The following PPP1R42 variants were observed in gnomAD, a reference collection of about 807,000 sequenced individuals.
PPP1R42 encodes the protein leucine rich repeat containing 67.
In PPP1R42, 34 loss-of-function variants were observed where a neutral mutation model predicts 31.0. The observed-to-expected ratio is 1.10, with a 90% CI of 0.83 to 1.46. The LOEUF is 1.46. PPP1R42 is among the 40% of genes most tolerant of loss of function. The pLI is 0.00. For synonymous variants in PPP1R42, 103 were observed against 109.8 expected (o/e 0.94, Z 0.39); for missense variants, 268 against 303.0 (o/e 0.88, Z 0.86).
chr8:67,023,619 T>G (rs925251215), intron 1 of PPP1R42, among the ~76,000 whole-genome samples: 3 of 152,186 alleles, frequency 2.0e-5, no homozygotes, highest in Non-Finnish European at 4.4e-5. Flanking sequence ...TCAGATTATA[T>G]ATGAGTAACA....
At chr8:67,009,378 G>A (rs1313102624) in intron 5 of PPP1R42, among the ~76,000 whole-genome samples, 1 of 152,046 alleles carries the variant, frequency 6.6e-6, no homozygotes, top group African/African-American at 2.4e-5. Flanking sequence ...GACCAACCTG[G>A]CCAACCTGGT....
intron 5 of PPP1R42, among the ~76,000 whole-genome samples, chr8:67,003,166 CAAAAAA>C (rs529377387): frequency 1.7e-5 from 1 of 57,708 alleles, no homozygotes; most frequent in Non-Finnish European, 3.7e-5. Context: ...AACTCCGTCT[CAAAAAA>C]AAAAAAAAAA....
Position 67,011,220 on chromosome 8 carries a change from A to C in PPP1R42, c.436-389T>G, listed in dbSNP as rs770676112. Among the ~76,000 whole-genome samples, 58 of 152,216 alleles carry C rather than the reference A, an allele frequency of 3.8e-4. 1 individual carries two copies. The highest frequency in any genetic ancestry group is 4.7e-4 in the Non-Finnish European group (32 of 68,038). ...CTTTAGCAAATTATCATTTTGTGCAAAATATTACTAACATTTGTACTTACA... is the reference window on the plus strand; with the variant it reads ...CTTTAGCAAATTATCATTTTGTGCACAATATTACTAACATTTGTACTTACA... On this transcript the variant is annotated intron_variant, in intron 4 of 7. Coordinates refer to ENST00000685739, the MANE Select transcript of PPP1R42 (RefSeq NM_001364910.1).
At chr8:67,000,948 T>C (rs1418731737) in intron 5 of PPP1R42, among the ~76,000 whole-genome samples, 1 of 152,146 alleles carries the variant, frequency 6.6e-6, no homozygotes, top group East Asian at 1.9e-4. Flanking sequence ...CTTTTACTTC[T>C]GTGAATTTTT....
In PPP1R42 at chr8:66,988,096, C is replaced by T. The variant is rs959441774; in HGVS notation, c.670+304G>A. 100 of 1,008,162 alleles carry T rather than the reference C, an allele frequency of 9.9e-5. No homozygotes were observed. The South Asian group carries it at 2.1e-3, about 21-fold the overall frequency. 62.5% of individuals were successfully genotyped at this position (1,008,162 alleles called of 1,614,324 possible). On this transcript the variant is annotated intron_variant, in intron 6 of 7. Coordinates refer to ENST00000685739, the MANE Select transcript of PPP1R42 (RefSeq NM_001364910.1). ...GGGATCATCAAAGGATTTGTGCTAA[C>T]GAAAGTTTGGCAAAAGGTCAGCAAG...
chr8:67,025,757 C>A (rs1239121867), intron 1 of PPP1R42, among the ~76,000 whole-genome samples: 1 of 151,888 alleles, frequency 6.6e-6, no homozygotes, highest in East Asian at 1.9e-4. Context: ...GTAATCCCAG[C>A]ACTTTGGGAG....
At chr8:66,982,011 T>G in intron 7 of PPP1R42, 38 bp downstream of exon 7, 1 of 1,311,186 alleles carries the variant, frequency 7.6e-7, no homozygotes. Context: ...TTTCCTTTGC[T>G]AGAAGAGCAG....
intron 1 of PPP1R42, among the ~76,000 whole-genome samples, chr8:67,022,222 T>C (rs934294423): frequency 8.5e-5 from 13 of 152,354 alleles, no homozygotes; most frequent in African/African-American, 3.1e-4. Context: ...AAATGATATC[T>C]CACTACTGTG....
intron 7 of PPP1R42, among the ~76,000 whole-genome samples, 177 bp from the exon 8 acceptor site, chr8:66,964,511 C>G (rs1488147911): frequency 6.6e-6 from 1 of 152,082 alleles, no homozygotes; most frequent in Non-Finnish European, 1.5e-5. Context: ...AGATTTTCCT[C>G]TTGGTGTAGC....
chr8:67,026,000 G>A (rs1471728196), intron 1 of PPP1R42, among the ~76,000 whole-genome samples: 8 of 139,310 alleles, frequency 5.7e-5, no homozygotes, highest in Non-Finnish European at 9.2e-5. Context: ...GTGAGACTCC[G>A]TCTCAAAAAA....
chr8:66,964,669 A>G (rs1056681861), intron 7 of PPP1R42, among the ~76,000 whole-genome samples: 2 of 152,206 alleles, frequency 1.3e-5, no homozygotes, highest in African/African-American at 4.8e-5. Flanking sequence ...AAATAATCAT[A>G]CATATCAATT....
intron 1 of PPP1R42, among the ~76,000 whole-genome samples, chr8:67,024,325 T>C (rs534102584): frequency 3.3e-5 from 5 of 152,258 alleles, no homozygotes; most frequent in Non-Finnish European, 2.9e-5. Flanking sequence ...TTTGTATGTG[T>C]GTGTGTATGA....
rs749429401 is a variant in PPP1R42, at chr8:67,017,758, T to C, written c.-11A>G. The C allele has an allele frequency of 6.4e-7, 1 of 1,571,558 alleles. No individual in the cohort carries two copies. Among genetic ancestry groups the C allele is most frequent in the Non-Finnish European group, 8.6e-7 (1 of 1,162,436 alleles). On this transcript the variant is annotated 5_prime_UTR_variant, in exon 2 of 8. Coordinates refer to ENST00000685739, the MANE Select transcript of PPP1R42 (RefSeq NM_001364910.1). ...GGTCAGTCGAACCATAATTTCTTTA[T>C]AAATCAAACTCTCAGCAAAAGCTCT...
chr8:67,026,488 C>T (rs942959115), intron 1 of PPP1R42, among the ~76,000 whole-genome samples: 1 of 152,116 alleles, frequency 6.6e-6, no homozygotes, highest in African/African-American at 2.4e-5. Context: ...AAGAATGATA[C>T]TTTCTAGTAT....
At chr8:66,975,296 A>G (rs1814636901) in intron 7 of PPP1R42, among the ~76,000 whole-genome samples, 3 of 152,182 alleles carry the variant, frequency 2.0e-5, no homozygotes, top group African/African-American at 7.2e-5. Flanking sequence ...TGTAAATGGG[A>G]TTATTTTCAT....
At chr8:67,006,167 A>G (rs1815666867) in intron 5 of PPP1R42, among the ~76,000 whole-genome samples, 1 of 152,208 alleles carries the variant, frequency 6.6e-6, no homozygotes, top group African/African-American at 2.4e-5. Flanking sequence ...AGTGCCTGGC[A>G]TGTTCTTTCC....
rs368114130 is a variant in PPP1R42 at position 67,019,875 on chromosome 8, G to C, written c.-84-2044C>G. Among the ~76,000 whole-genome samples, 18 of 150,940 alleles carry C rather than the reference G, an allele frequency of 1.2e-4. No homozygotes were observed. In the East Asian group the frequency reaches 3.2e-3, roughly 27 times the overall value. ...TGCACTCCAGCCTGGGCGACAGAGCGAGACTCCACCTCAACAAAAAAAAAA... is the reference window on the plus strand; with the variant it reads ...TGCACTCCAGCCTGGGCGACAGAGCCAGACTCCACCTCAACAAAAAAAAAA... On this transcript the variant is annotated intron_variant, in intron 1 of 7. Coordinates refer to ENST00000685739, the MANE Select transcript of PPP1R42 (RefSeq NM_001364910.1).
chr8:66,965,263 CA>C (rs35319935), intron 7 of PPP1R42, among the ~76,000 whole-genome samples: 6,913 of 66,630 alleles, frequency 0.1, 277 homozygotes, highest in African/African-American at 0.23. Context: ...GACTCCGTCT[CA>C]AAAAAAAAAA....
At chr8:67,025,866 G>A (rs190005017) in intron 1 of PPP1R42, among the ~76,000 whole-genome samples, 2 of 151,658 alleles carry the variant, frequency 1.3e-5, no homozygotes, top group African/African-American at 4.8e-5. Context: ...TTAGCTGGGC[G>A]TGGTGGCACA....
Sources: gnomAD v4.1 joint callset for allele counts (sites outside exome capture counted in the v4.1 genomes callset) on GRCh38, gnomAD v4.1.1 for gene constraint, MANE v1.5 for transcripts, NCBI Gene and HGNC (gene_info 2026-07-23, HGNC 2026-07-21) for gene names.